ZNG1E: variants seen among roughly 807,000 people sequenced by gnomAD.
ZNG1E encodes the protein Zn regulated GTPase metalloprotein activator 1E, also known as zinc-regulated GTPase metalloprotein activator 1E.
the ZNG1E span, among the ~76,000 whole-genome samples, chr9:65,677,773 A>G: frequency 6.6e-6 from 1 of 152,060 alleles, no homozygotes. Flanking sequence ...CAGCCTGCCA[A>G]ATTGGCCCCG....
the ZNG1E span, among the ~76,000 whole-genome samples, chr9:65,663,292 G>A: frequency 1.3e-5 from 2 of 152,124 alleles, no homozygotes; most frequent in South Asian, 4.2e-4. Flanking sequence ...TGTTTCTTAA[G>A]GAAATTGTAC....
the ZNG1E span, among the ~76,000 whole-genome samples, chr9:65,722,697 A>ATTTTTTTTTTTTTTTTTTT: frequency 2.1e-3 from 18 of 8,408 alleles, 2 homozygotes; most frequent in African/African-American, 2.9e-3. Context: ...TGCCTAGCTA[A>ATTTTTTTTTTTTTTTTTTT]TTTTTTTTTT....
the ZNG1E span, among the ~76,000 whole-genome samples, chr9:65,714,639 G>C: frequency 4.7e-4 from 71 of 152,178 alleles, no homozygotes; most frequent in Middle Eastern, 3.4e-3. Context: ...TGGAGTACCC[G>C]GCCGTGTGAG....
At chr9:65,729,290 CT>C in the ZNG1E span, among the ~76,000 whole-genome samples, 1 of 96,520 alleles carries the variant, frequency 1.0e-5, no homozygotes, top group Admixed American at 1.1e-4. Flanking sequence ...AAAGGATACC[CT>C]TTTCAACAAA....
chr9:65,701,399 TAAAAAAATATA>T, the ZNG1E span: 1 of 151,926 alleles, frequency 6.6e-6, no homozygotes, highest in East Asian at 1.9e-4. Context: ...AACTTTACTA[TAAAAAAATATA>T]ATGTCTCCAT....
chr9:65,659,122 G>A, the ZNG1E span, among the ~76,000 whole-genome samples: 1 of 152,226 alleles, frequency 6.6e-6, no homozygotes, highest in Non-Finnish European at 1.5e-5. Context: ...TCATACCCAA[G>A]AGTCAATAAT....
the ZNG1E span, among the ~76,000 whole-genome samples, chr9:65,717,397 A>G: frequency 6.8e-6 from 1 of 146,932 alleles, no homozygotes; most frequent in Non-Finnish European, 1.5e-5. Context: ...GGAGGTTAAG[A>G]GCCTTTGTCT....
the ZNG1E span, among the ~76,000 whole-genome samples, chr9:65,717,705 G>A: frequency 1.3e-5 from 2 of 149,208 alleles, no homozygotes; most frequent in Non-Finnish European, 2.9e-5. Context: ...TCTTCCCCTT[G>A]GAGACAGGGT....
the ZNG1E span, chr9:65,677,058 G>C: frequency 1.8e-6 from 2 of 1,127,494 alleles, no homozygotes; most frequent in Non-Finnish European, 2.5e-6. Context: ...TTTGTAGACT[G>C]TAAGTTTATT....
the ZNG1E span, among the ~76,000 whole-genome samples, chr9:65,659,604 T>C: frequency 6.6e-6 from 1 of 151,920 alleles, no homozygotes; most frequent in Non-Finnish European, 1.5e-5. Context: ...CATTTGCCAG[T>C]CCCTGTGGAC....
chr9:65,677,430 CCTT>C, the ZNG1E span, among the ~76,000 whole-genome samples: 1 of 152,262 alleles, frequency 6.6e-6, no homozygotes, highest in African/African-American at 2.4e-5. Context: ...GCTCCCTCCT[CCTT>C]CCCCCTTTGT....
At chr9:65,710,680 T>C in the ZNG1E span, among the ~76,000 whole-genome samples, 2 of 151,288 alleles carry the variant, frequency 1.3e-5, no homozygotes, top group Admixed American at 1.3e-4. Context: ...TGCGGCGTTA[T>C]TTCTGAGGGC....
At chr9:65,690,967 G>A in the ZNG1E span, 1 of 1,602,644 alleles carries the variant, frequency 6.2e-7, no homozygotes, top group Non-Finnish European at 8.5e-7. Flanking sequence ...ATATTTTCAG[G>A]TGCAGTGACT....
the ZNG1E span, among the ~76,000 whole-genome samples, chr9:65,673,512 T>A: frequency 6.6e-6 from 1 of 151,930 alleles, no homozygotes; most frequent in Non-Finnish European, 1.5e-5. Context: ...TCATTGAGGC[T>A]ACATACTGTT....
At chr9:65,684,443 T>C in the ZNG1E span, among the ~76,000 whole-genome samples, 1 of 152,028 alleles carries the variant, frequency 6.6e-6, no homozygotes, top group African/African-American at 2.4e-5. Context: ...GGCTAAGGCA[T>C]GAGAATCGCT....
At chr9:65,675,258 TAGAA>T in the ZNG1E span, among the ~76,000 whole-genome samples, 72 of 152,306 alleles carry the variant, frequency 4.7e-4, no homozygotes, top group African/African-American at 1.6e-3. Context: ...AAATTTATAT[TAGAA>T]AGAAGGGCTA....
chr9:65,693,963 A>T, the ZNG1E span, among the ~76,000 whole-genome samples: 2 of 150,248 alleles, frequency 1.3e-5, no homozygotes, highest in African/African-American at 4.9e-5. Flanking sequence ...ATACCTCTTC[A>T]CTGGGCCTTC....
chr9:65,685,043 T>TAAA, the ZNG1E span, among the ~76,000 whole-genome samples: 64 of 107,704 alleles, frequency 5.9e-4, no homozygotes, highest in African/African-American at 1.9e-3. Flanking sequence ...CCCCATTTCT[T>TAAA]AAAAAAAAAA....
At chr9:65,684,284 C>A in the ZNG1E span, among the ~76,000 whole-genome samples, 1 of 151,720 alleles carries the variant, frequency 6.6e-6, no homozygotes, top group Admixed American at 6.6e-5. Context: ...TGCCTGTAAT[C>A]CCAGCACTTT....
Sources: allele counts gnomAD v4.1 joint callset (sites outside exome capture counted in the v4.1 genomes callset), GRCh38; gene constraint gnomAD v4.1.1; transcripts MANE v1.5; gene names NCBI Gene and HGNC (gene_info 2026-07-23, HGNC 2026-07-21).